The following ANKRD30B variants were observed in gnomAD, a reference collection of about 807,000 sequenced individuals.
The protein encoded by ANKRD30B is ankyrin repeat domain 30B.
Under a neutral mutation model 202.2 loss-of-function variants are expected in ANKRD30B, and 144 were observed. The observed-to-expected ratio is 0.71, with a 90% CI of 0.62 to 0.82. ANKRD30B has a LOEUF of 0.82. Ranked by LOEUF, ANKRD30B falls within the 40% of genes least tolerant of loss-of-function variation. The probability of loss-of-function intolerance (pLI) is 0.00; values close to 1 mark genes in which losing one functional copy is unlikely to be tolerated. For missense variants in ANKRD30B, 1,487 were observed against 1,669.1 expected, an observed-to-expected ratio of 0.89 and a Z score of 1.90; for synonymous variants, 508 against 561.3, an observed-to-expected ratio of 0.91 and a Z score of 1.34.
the ANKRD30B span, among the ~76,000 whole-genome samples, chr18:14,881,974 G>T: frequency 2.6e-5 from 4 of 152,006 alleles, no homozygotes; most frequent in African/African-American, 9.7e-5. Context: ...TCTTAGTGAG[G>T]TTATTTGGAT....
chr18:14,902,063 TG>T, the ANKRD30B span, among the ~76,000 whole-genome samples: 1 of 152,048 alleles, frequency 6.6e-6, no homozygotes, highest in Non-Finnish European at 1.5e-5. Flanking sequence ...AAAATGAGGA[TG>T]ATGAAAAAGT....
At chr18:14,920,709 T>TC in the ANKRD30B span, among the ~76,000 whole-genome samples, 2 of 152,210 alleles carry the variant, frequency 1.3e-5, no homozygotes, top group African/African-American at 4.8e-5. Flanking sequence ...TAGGGTGGGA[T>TC]CCCCTGCAAT....
the ANKRD30B span, among the ~76,000 whole-genome samples, chr18:14,907,018 G>T: frequency 6.6e-6 from 1 of 152,170 alleles, no homozygotes; most frequent in South Asian, 2.1e-4. Flanking sequence ...GAAAGGAAAT[G>T]TCTCAGTTAA....
At position 14,851,501 on chromosome 18, in the gene ANKRD30B, T is replaced by C. The variant is rs1311155934; in HGVS notation, c.3565-8T>C. On this transcript the variant is annotated splice_region_variant and splice_polypyrimidine_tract_variant and intron_variant, in intron 41 of 43. Coordinates refer to ENST00000690538, the MANE Select transcript of ANKRD30B (RefSeq NM_001367607.2). Reference sequence around the variant, plus strand: ...GTGCTAGTTAAATTTTTATTTTGTTTTATTTAGGTTTCTCACACTCATGAA... The same window carrying C: ...GTGCTAGTTAAATTTTTATTTTGTTCTATTTAGGTTTCTCACACTCATGAA... 3.3e-6 allele frequency: 5 copies of C among 1,502,740 alleles called. No homozygotes were observed. Among genetic ancestry groups the C allele is most frequent in the Non-Finnish European group, 4.4e-6 (5 of 1,128,564 alleles). 93.1% of individuals were successfully genotyped at this position (1,502,740 alleles called of 1,614,324 possible).
the ANKRD30B span, among the ~76,000 whole-genome samples, chr18:14,868,251 T>G: frequency 1.3e-5 from 2 of 152,298 alleles, no homozygotes; most frequent in Non-Finnish European, 2.9e-5. Flanking sequence ...TGTAAGAAGC[T>G]GCTGGTTCTG....
rs189761972 is a variant in ANKRD30B, at chr18:14,784,424, A to G, written c.1600-39A>G. On this transcript the variant is annotated intron_variant, in intron 13 of 43. Coordinates refer to ENST00000690538, the MANE Select transcript of ANKRD30B (RefSeq NM_001367607.2). ...ATTAACTATGTACTTTGTGAAGTAC[A>G]CATTCTTTATTGATCATTTTTCTTC... 2.4e-5 allele frequency: 39 copies of G among 1,612,508 alleles called. No homozygotes were observed. In the African/African-American group the frequency reaches 4.4e-4, roughly 18 times the overall value.
At chr18:14,896,281 G>A in the ANKRD30B span, among the ~76,000 whole-genome samples, 1 of 151,880 alleles carries the variant, frequency 6.6e-6, no homozygotes, top group Non-Finnish European at 1.5e-5. Context: ...ACAGGCACCC[G>A]CCACCACGCC....
At chr18:14,843,537 C>A (rs1409529078) in intron 39 of ANKRD30B, among the ~76,000 whole-genome samples, 3 of 136,994 alleles carry the variant, frequency 2.2e-5, no homozygotes, top group African/African-American at 8.2e-5. Context: ...ATCTGTTGTT[C>A]TGATTAGCTT....
At chr18:14,799,329 T>G in intron 22 of ANKRD30B, 34 bp downstream of exon 22, 1 of 1,474,810 alleles carries the variant, frequency 6.8e-7, no homozygotes. Flanking sequence ...ACTCTGGAAT[T>G]AAGAATATTA....
At chr18:14,898,373 A>G in the ANKRD30B span, among the ~76,000 whole-genome samples, 1 of 152,074 alleles carries the variant, frequency 6.6e-6, no homozygotes, top group African/African-American at 2.4e-5. Context: ...CGCAAAACCT[A>G]GATCCCTGGC....
chr18:14,767,162 T>C lies in ANKRD30B; in HGVS notation c.1226-2181T>C, dbSNP rs566498830. On this transcript the variant is annotated intron_variant, in intron 7 of 43. Transcript: ENST00000690538. The stretch of plus-strand genomic sequence containing the variant: ...AAGAGTAAAGTGTGAGGAAAAGTGT[T>C]GTCTTTTTTATCTGCTTCTTGTGGA... Among the ~76,000 whole-genome samples, 4 of 152,300 alleles carry C rather than the reference T, an allele frequency of 2.6e-5. No individual in the cohort carries two copies. The East Asian group carries it at 7.7e-4, about 29-fold the overall frequency.
chr18:14,939,323 T>G, the ANKRD30B span, among the ~76,000 whole-genome samples: 1 of 152,274 alleles, frequency 6.6e-6, no homozygotes, highest in African/African-American at 2.4e-5. Flanking sequence ...GTCCCAGTGT[T>G]TCTGTGAAAC....
chr18:14,776,625 A>G (rs1057180879), intron 9 of ANKRD30B, among the ~76,000 whole-genome samples: 2 of 152,208 alleles, frequency 1.3e-5, no homozygotes, highest in Non-Finnish European at 2.9e-5. Context: ...TCATTTTTCT[A>G]AGGTGAAGAA....
At chr18:14,806,170 A>T (rs935553458) in intron 24 of ANKRD30B, among the ~76,000 whole-genome samples, 1 of 149,732 alleles carries the variant, frequency 6.7e-6, no homozygotes, top group Non-Finnish European at 1.5e-5. Context: ...CAGTCAGCCC[A>T]GATCTCAACA....
At position 14,748,309 on chromosome 18, in the gene ANKRD30B, C is replaced by A; in HGVS notation, c.-111C>A. ...TGCGGGAACTGAAGACGGGCGAGTG[C>A]GAGCCGGGGGCGGGTGCTGGGGAAG... On this transcript the variant is annotated 5_prime_UTR_variant, in exon 1 of 44. Coordinates refer to ENST00000690538, the MANE Select transcript of ANKRD30B (RefSeq NM_001367607.2). 1.1e-6 allele frequency: 1 copy of A among 892,104 alleles called. No homozygotes were observed. The highest frequency in any genetic ancestry group is 2.0e-5 in the South Asian group (1 of 49,042). 55.3% of individuals were successfully genotyped at this position (892,104 alleles called of 1,614,324 possible). A position where few individuals can be genotyped will look rare whatever the true frequency, so the allele number is the denominator to read the frequency against.
chr18:14,810,246 C>G (rs1329144052), intron 28 of ANKRD30B, 66 bp downstream of exon 28: 4 of 991,510 alleles, frequency 4.0e-6, no homozygotes, highest in Middle Eastern at 3.5e-4. Context: ...ATGCTGAGAG[C>G]CTTTTATTCC....
intron 7 of ANKRD30B, among the ~76,000 whole-genome samples, chr18:14,768,151 C>T (rs746620762): frequency 1.2e-4 from 19 of 152,142 alleles, no homozygotes; most frequent in Non-Finnish European, 2.4e-4. Context: ...CCAGGAGCCA[C>T]AGATTTTTTT....
chr18:14,772,485 G>A (rs1254465150), intron 9 of ANKRD30B, among the ~76,000 whole-genome samples: 1 of 151,800 alleles, frequency 6.6e-6, no homozygotes, highest in Non-Finnish European at 1.5e-5. Context: ...ATAGTGACAG[G>A]AACATTATAC....
intron 1 of ANKRD30B, among the ~76,000 whole-genome samples, chr18:14,749,670 C>CAAAAAAAA (rs55960708): frequency 3.8e-4 from 23 of 61,192 alleles, no homozygotes; most frequent in East Asian, 1.3e-3. Flanking sequence ...GACTCTGTCT[C>CAAAAAAAA]AAAAAAAAAA....
Sources: gnomAD v4.1 joint callset for allele counts (sites outside exome capture counted in the v4.1 genomes callset) on GRCh38, gnomAD v4.1.1 for gene constraint, MANE v1.5 for transcripts, NCBI Gene and HGNC (gene_info 2026-07-23, HGNC 2026-07-21) for gene names.